Variants in XBP1 observed in about 807,000 individuals in gnomAD.
XBP1 encodes X-box-binding protein 1.
Under a neutral mutation model 34.6 loss-of-function variants are expected in XBP1, and 18 were observed. The ratio of observed to expected loss-of-function variants is 0.52; its 90% CI spans 0.36 to 0.77. XBP1 has a LOEUF of 0.77. Ranked by LOEUF, XBP1 falls within the 30% of genes least tolerant of loss-of-function variation. XBP1 has a pLI of 0.00. For synonymous variants in XBP1, 191 were observed against 193.4 expected (o/e 0.99, Z 0.11); for missense variants, 422 against 464.6 (o/e 0.91, Z 0.84).
At chr22:28,798,077 A>AG (rs1358882530) in intron 2 of XBP1, among the ~76,000 whole-genome samples, 1 of 152,146 alleles carries the variant, frequency 6.6e-6, no homozygotes, top group African/African-American at 2.4e-5. Flanking sequence ...TGGACCCTAG[A>AG]GGGGGAAAGG....
exon 6 of XBP1, chr22:28,795,310 T>G (rs1304989304): frequency 3.9e-6 from 6 of 1,551,828 alleles, no homozygotes; most frequent in Non-Finnish European, 5.2e-6. Flanking sequence ...AAGCATCCAG[T>G]AGGCAGGAAG....
chr22:28,800,248 T>C (rs1448109394), intron 1 of XBP1, 50 bp downstream of exon 1: 4 of 1,535,764 alleles, frequency 2.6e-6, no homozygotes, highest in Non-Finnish European at 3.5e-6. Flanking sequence ...CCTGCCCCTG[T>C]CCCTAGTCCC....
chr22:28,795,132 A>C (rs564262086), downstream of XBP1: 7 of 1,454,884 alleles, frequency 4.8e-6, no homozygotes, highest in Non-Finnish European at 6.4e-6. Context: ...TCCTCCAGGC[A>C]GTGTAATAGT....
rs71316865 is a variant in XBP1 at position 28,798,302 on chromosome 22, C to CTTTTTTTTTTTTTTT, written c.324+740_324+754dup. Among the ~76,000 whole-genome samples the CTTTTTTTTTTTTTTT allele has an allele frequency of 6.0e-3, 737 of 123,078 alleles. 25 individuals carry two copies. Among genetic ancestry groups the CTTTTTTTTTTTTTTT allele is most frequent in the Admixed American group, 0.015 (186 of 12,506 alleles). The allele number at this position is 123,078 out of a possible 152,430, so 80.7% of individuals were successfully genotyped here. On this transcript the variant is annotated intron_variant, in intron 2 of 5. Transcript: ENST00000344347. ...AACTCTCTGTCCTAACTTAGATTAA[C>CTTTTTTTTTTTTTTT]TTTTTTTTTTTTTTTGAGACAGGGT...
At chr22:28,795,719 A>C in exon 6 of XBP1, 2 of 1,539,024 alleles carry the variant, frequency 1.3e-6, no homozygotes, top group Non-Finnish European at 1.7e-6. Flanking sequence ...CAGAATGCCC[A>C]ACAGGATATC....
chr22:28,795,501 G>A (rs1458545445), exon 6 of XBP1: 21 of 1,614,194 alleles, frequency 1.3e-5, no homozygotes, highest in Non-Finnish European at 1.7e-5. Flanking sequence ...GTCTCAGAGG[G>A]TATCTCTAAG....
At chr22:28,797,618 T>TA (rs1227072133) in intron 2 of XBP1, among the ~76,000 whole-genome samples, 2 of 151,838 alleles carry the variant, frequency 1.3e-5, no homozygotes, top group Admixed American at 6.6e-5. Context: ...CCATCTCTAC[T>TA]AAAAAATCCA....
At chr22:28,799,504 A>C (rs879834556) in intron 1 of XBP1, among the ~76,000 whole-genome samples, 6 of 152,076 alleles carry the variant, frequency 3.9e-5, no homozygotes, top group Non-Finnish European at 7.4e-5. Context: ...AGTTCTCTTA[A>C]ACAGGATCCA....
chr22:28,800,243 C>T lies in XBP1; in HGVS notation c.227+55G>A, dbSNP rs1040665804. On this transcript the variant is annotated intron_variant, in intron 1 of 5. Transcript: ENST00000344347. ...CCCCGCTCCCAGCCCCTGCCCCTGC[C>T]CCTGTCCCTAGTCCCGGCTTCAGAT... 1.3e-5 allele frequency: 20 copies of T among 1,533,510 alleles called. No homozygotes were observed. In the South Asian group the frequency reaches 2.0e-4, roughly 16 times the overall value. The allele number at this position is 1,533,510 out of a possible 1,614,324, so 95.0% of individuals were successfully genotyped here.
exon 1 of XBP1, chr22:28,800,453 G>C: frequency 6.8e-7 from 1 of 1,471,724 alleles, no homozygotes; most frequent in Non-Finnish European, 8.9e-7. Context: ...CGGCGGAGGC[G>C]GGCTGCCCCG....
chr22:28,797,335 T>A, intron 2 of XBP1, 130 bp from the exon 3 acceptor site: 1 of 1,125,330 alleles, frequency 8.9e-7, no homozygotes, highest in Non-Finnish European at 1.2e-6. Context: ...GTGTTCATAG[T>A]AGGTTTTAAA....
intron 2 of XBP1, among the ~76,000 whole-genome samples, chr22:28,797,898 TA>T (rs1167946912): frequency 3.3e-5 from 5 of 151,706 alleles, no homozygotes; most frequent in East Asian, 3.9e-4. Flanking sequence ...CAAAATAAGT[TA>T]AAAAAAATCC....
chr22:28,795,455 T>G (rs1488593178), exon 6 of XBP1: 2 of 1,609,734 alleles, frequency 1.2e-6, no homozygotes, highest in Non-Finnish European at 1.7e-6. Flanking sequence ...GAGAGGTGCT[T>G]CCTCGATTTT....
chr22:28,795,309 G>T, exon 6 of XBP1: 1 of 1,552,012 alleles, frequency 6.4e-7, no homozygotes, highest in South Asian at 1.2e-5. Context: ...TAAGCATCCA[G>T]TAGGCAGGAA....
intron 2 of XBP1, among the ~76,000 whole-genome samples, chr22:28,798,723 C>T (rs2146266794): frequency 6.6e-6 from 1 of 151,722 alleles, no homozygotes; most frequent in Non-Finnish European, 1.5e-5. Context: ...AATCCTCCCA[C>T]CTCAACCTCC....
At chr22:28,795,898 TACCTG>T in intron 5 of XBP1, 144 bp downstream of exon 5, 1 of 1,226,068 alleles carries the variant, frequency 8.2e-7, no homozygotes, top group Non-Finnish European at 1.2e-6. Context: ...TGTTCTATAT[TACCTG>T]GAACTAGGAA....
exon 6 of XBP1, chr22:28,795,434 T>A: frequency 6.3e-7 from 1 of 1,592,686 alleles, no homozygotes; most frequent in Non-Finnish European, 8.6e-7. Context: ...GTGATCATTC[T>A]CTGAGGGGCT....
intron 5 of XBP1, 29 bp from the exon 6 acceptor site, chr22:28,795,761 C>T (rs2031738723): frequency 6.6e-7 from 1 of 1,514,982 alleles, no homozygotes; most frequent in Admixed American, 2.3e-5. Flanking sequence ...AAATGAAGTA[C>T]AACTGTCAGA....
At chr22:28,800,228 AGCCCCT>A (rs958877609) in intron 1 of XBP1, 64 bp downstream of exon 1, 35 of 1,506,514 alleles carry the variant, frequency 2.3e-5, no homozygotes, top group Middle Eastern at 2.0e-4. Flanking sequence ...CCCCGCTCCC[AGCCCCT>A]GCCCCTGCCC....
Sources: gnomAD v4.1 joint callset for allele counts (sites outside exome capture counted in the v4.1 genomes callset) on GRCh38, gnomAD v4.1.1 for gene constraint, MANE v1.5 for transcripts, NCBI Gene and HGNC (gene_info 2026-07-23, HGNC 2026-07-21) for gene names.